The following GBE1 variants were observed in gnomAD, a reference collection of about 807,000 sequenced individuals.
GBE1 encodes 1,4-alpha-glucan-branching enzyme.
In GBE1, 70 loss-of-function variants were observed where a neutral mutation model predicts 88.8. The observed-to-expected ratio is 0.79, with a 90% CI of 0.65 to 0.96. GBE1 has a LOEUF of 0.96. Among genes scored for constraint, GBE1 ranks in the 40% least tolerant of loss-of-function variants. GBE1 has a pLI of 0.00. For missense variants in GBE1, 872 were observed against 871.0 expected (o/e 1.00, Z -0.01); for synonymous variants, 284 against 300.1 (o/e 0.95, Z 0.56).
At chr3:81,720,647 T>C (rs112471915) in intron 1 of GBE1, among the ~76,000 whole-genome samples, 9 of 152,270 alleles carry the variant, frequency 5.9e-5, no homozygotes, top group African/African-American at 1.9e-4. Context: ...AAAATAACAC[T>C]GATACATTTC....
At chr3:81,611,602 C>T (rs1704183902) in intron 7 of GBE1, among the ~76,000 whole-genome samples, 1 of 152,064 alleles carries the variant, frequency 6.6e-6, no homozygotes, top group Non-Finnish European at 1.5e-5. Context: ...AGCTATCTTA[C>T]AAGATCAGTT....
intron 7 of GBE1, among the ~76,000 whole-genome samples, chr3:81,600,339 C>T (rs1007153562): frequency 6.6e-6 from 1 of 152,028 alleles, no homozygotes; most frequent in African/African-American, 2.4e-5. Flanking sequence ...ATACACCCCT[C>T]GATTTGATAA....
intron 2 of GBE1, among the ~76,000 whole-genome samples, chr3:81,698,980 T>C (rs887186763): frequency 6.6e-6 from 1 of 152,194 alleles, no homozygotes; most frequent in African/African-American, 2.4e-5. Flanking sequence ...CAAAACACTG[T>C]TTGCTGAATG....
intron 7 of GBE1, among the ~76,000 whole-genome samples, chr3:81,636,473 G>C (rs562030643): frequency 9.3e-5 from 14 of 151,324 alleles, no homozygotes; most frequent in African/African-American, 3.4e-4. Context: ...CTTTGGAATA[G>C]TTAGCTGTTT....
chr3:81,494,780 T>C (rs940332285), intron 15 of GBE1, among the ~76,000 whole-genome samples: 1 of 152,196 alleles, frequency 6.6e-6, no homozygotes, highest in Non-Finnish European at 1.5e-5. Context: ...CTCAGTTATT[T>C]TGACAACTTT....
Position 81,652,348 on chromosome 3 carries a change from C to T in GBE1, c.430-2427G>A, listed in dbSNP as rs564217462. ...AATCGACAATATGGTAACAGGTTAA[C>T]TTCTAAGTTTGTAGGTAGGGTAAAA... On this transcript the variant is annotated intron_variant, in intron 3 of 15. Transcript: ENST00000429644. 6.6e-5 allele frequency among the ~76,000 whole-genome samples: 10 copies of T among 152,294 alleles called. No individual in the cohort carries two copies. In the South Asian group the frequency reaches 1.9e-3, roughly 28 times the overall value.
intron 1 of GBE1, among the ~76,000 whole-genome samples, chr3:81,759,908 TAA>T (rs1396398186): frequency 6.6e-6 from 1 of 152,132 alleles, no homozygotes; most frequent in Non-Finnish European, 1.5e-5. Context: ...ATAAATATCT[TAA>T]GTGTCCTTTT....
intron 3 of GBE1, among the ~76,000 whole-genome samples, chr3:81,655,805 C>G (rs924355364): frequency 6.6e-6 from 1 of 152,174 alleles, no homozygotes; most frequent in South Asian, 2.1e-4. Context: ...CAGGGCTGAG[C>G]CACCACGCCC....
chr3:81,522,463 T>C (rs544130746), intron 14 of GBE1, among the ~76,000 whole-genome samples: 4 of 151,518 alleles, frequency 2.6e-5, no homozygotes, highest in South Asian at 2.1e-4. Flanking sequence ...CTCAGAGTTA[T>C]GGCTGGTGTT....
intron 7 of GBE1, among the ~76,000 whole-genome samples, chr3:81,636,055 T>C (rs182273737): frequency 9.8e-5 from 15 of 152,326 alleles, no homozygotes; most frequent in Admixed American, 9.8e-4. Context: ...ACTCCTGTGC[T>C]ACACTCTGCA....
chr3:81,493,238 T>C (rs1000189238), intron 15 of GBE1, among the ~76,000 whole-genome samples: 1 of 152,136 alleles, frequency 6.6e-6, no homozygotes, highest in Admixed American at 6.5e-5. Flanking sequence ...TCTTATAGAG[T>C]ATTGTCCTAC....
intron 12 of GBE1, among the ~76,000 whole-genome samples, chr3:81,553,401 T>C (rs1703302116): frequency 6.6e-6 from 1 of 152,110 alleles, no homozygotes; most frequent in Admixed American, 6.5e-5. Flanking sequence ...TGTGTGGTTA[T>C]ATTGTTTTTG....
chr3:81,695,832 A>G (rs369551446), intron 2 of GBE1, among the ~76,000 whole-genome samples: 105 of 152,294 alleles, frequency 6.9e-4, no homozygotes, highest in African/African-American at 2.4e-3. Flanking sequence ...GTGTGGTATT[A>G]TTTTCAGCTT....
intron 12 of GBE1, among the ~76,000 whole-genome samples, chr3:81,577,689 C>G (rs904722359): frequency 1.3e-5 from 2 of 152,130 alleles, no homozygotes; most frequent in East Asian, 1.9e-4. Context: ...GCCCGCTTGA[C>G]AGCAATATTC....
At chr3:81,503,325 C>T (rs933127058) in intron 14 of GBE1, among the ~76,000 whole-genome samples, 2 of 151,656 alleles carry the variant, frequency 1.3e-5, no homozygotes, top group South Asian at 2.1e-4. Flanking sequence ...ATATGAGGGA[C>T]GAGCCATATA....
intron 15 of GBE1, among the ~76,000 whole-genome samples, chr3:81,495,859 T>C (rs72904341): frequency 6.6e-6 from 1 of 152,318 alleles, no homozygotes; most frequent in African/African-American, 2.4e-5. Context: ...AACCTCCAAA[T>C]TTAGAATGAG....
At chr3:81,533,521 T>C (rs1703036106) in intron 14 of GBE1, among the ~76,000 whole-genome samples, 1 of 152,050 alleles carries the variant, frequency 6.6e-6, no homozygotes, top group South Asian at 2.1e-4. Context: ...GCCCTCAATG[T>C]CACTGAGCAG....
chr3:81,642,599 A>C lies in GBE1; in HGVS notation c.992+182T>G, dbSNP rs150974985. 4,544 of 517,560 alleles carry C rather than the reference A, an allele frequency of 8.8e-3. 24 individuals are homozygous for C. The highest frequency in any genetic ancestry group is 0.012 in the Non-Finnish European group (3,587 of 296,980). The allele number at this position is 517,560 out of a possible 1,614,324, so 32.1% of individuals were successfully genotyped here. A position where few individuals can be genotyped will look rare whatever the true frequency, so the allele number is the denominator to read the frequency against. The stretch of plus-strand genomic sequence containing the variant: ...GATATGTAAAATTGAAATTTAATGA[A>C]ATATACCACAAATACATGTGCTATA... On this transcript the variant is annotated intron_variant, in intron 7 of 15. Transcript: ENST00000429644.
chr3:81,619,167 C>A (rs935896032), intron 7 of GBE1, among the ~76,000 whole-genome samples: 2 of 110,682 alleles, frequency 1.8e-5, no homozygotes, highest in Non-Finnish European at 3.5e-5. Flanking sequence ...AGAAGAATAA[C>A]AACGATATTC....
Sources: gnomAD v4.1 joint callset for allele counts (sites outside exome capture counted in the v4.1 genomes callset) on GRCh38, gnomAD v4.1.1 for gene constraint, MANE v1.5 for transcripts, NCBI Gene and HGNC (gene_info 2026-07-23, HGNC 2026-07-21) for gene names.